ATP13A4: variants seen among roughly 807,000 people sequenced by gnomAD.
ATP13A4 encodes the protein ATPase 13A4.
Under a neutral mutation model 142.5 loss-of-function variants are expected in ATP13A4, and 114 were observed. That is an observed-to-expected ratio of 0.80 (90% CI 0.69 to 0.93). The LOEUF is 0.93. Among genes scored for constraint, ATP13A4 ranks in the 40% least tolerant of loss-of-function variants. ATP13A4 has a pLI of 0.00. For missense variants in ATP13A4, 1,392 were observed against 1,454.0 expected, an observed-to-expected ratio of 0.96 and a Z score of 0.69; for synonymous variants, 488 against 514.8, an observed-to-expected ratio of 0.95 and a Z score of 0.70.
intron 2 of ATP13A4, among the ~76,000 whole-genome samples, chr3:193,509,653 T>G (rs910210415): frequency 6.6e-6 from 1 of 152,218 alleles, no homozygotes; most frequent in East Asian, 1.9e-4. Flanking sequence ...TAAAAAGCAC[T>G]ACAGCGGTCA....
intron 25 of ATP13A4, among the ~76,000 whole-genome samples, chr3:193,429,655 G>C (rs1232245279): frequency 6.6e-6 from 1 of 151,958 alleles, no homozygotes; most frequent in Non-Finnish European, 1.5e-5. Context: ...TTAATGGATA[G>C]AGTATCTGTT....
At chr3:193,533,306 G>A (rs961017711) in intron 1 of ATP13A4, among the ~76,000 whole-genome samples, 2 of 152,030 alleles carry the variant, frequency 1.3e-5, no homozygotes. Flanking sequence ...CTCTCAATGA[G>A]TTCAACTGAA....
intron 18 of ATP13A4, among the ~76,000 whole-genome samples, chr3:193,443,764 G>A (rs928557894): frequency 3.9e-5 from 6 of 152,048 alleles, no homozygotes; most frequent in African/African-American, 1.2e-4. Context: ...GTGGAAAGAC[G>A]GAAGTTCTCA....
In ATP13A4 at chr3:193,467,472, C is replaced by T. The variant is rs1309521799; in HGVS notation, c.958G>A (p.Val320Ile). The change falls in exon 10 of 30, where the codon GTC becomes ATC. Residue 320 changes from valine (V) to isoleucine (I), a missense_variant. Physicochemically the swap from Val to Ile is conservative, Grantham distance 29. Coordinates refer to ENST00000342695, the MANE Select transcript of ATP13A4 (RefSeq NM_032279.4). ...EGMLTGESIPVTKTPLPKMDS... is the reference protein window; with the variant it reads ...EGMLTGESIPITKTPLPKMDS... ...ATCTTGGGTAACGGAGTTTTGGTGA[C>T]TGGAATACTTTCTCCTACAGAAAAC... The T allele has an allele frequency of 6.2e-7, 1 of 1,613,494 alleles. No individual in the cohort carries two copies. Among genetic ancestry groups the T allele is most frequent in the Admixed American group, 1.7e-5 (1 of 60,002 alleles).
chr3:193,507,987 T>C (rs1203031650), intron 2 of ATP13A4, among the ~76,000 whole-genome samples: 2 of 152,132 alleles, frequency 1.3e-5, no homozygotes, highest in African/African-American at 2.4e-5. Flanking sequence ...ATAAAGCCTT[T>C]AAGAAGGTAA....
At chr3:193,503,395 C>T (rs1198193245) in intron 2 of ATP13A4, among the ~76,000 whole-genome samples, 3 of 152,200 alleles carry the variant, frequency 2.0e-5, no homozygotes, top group African/African-American at 4.8e-5. Context: ...GATTGAGAAA[C>T]AGATACCACA....
chr3:193,407,750 T>C (rs1295077480), intron 28 of ATP13A4, among the ~76,000 whole-genome samples: 1 of 152,220 alleles, frequency 6.6e-6, no homozygotes. Flanking sequence ...CTTTGTTTGC[T>C]TGCTTTGTTT....
intron 1 of ATP13A4, among the ~76,000 whole-genome samples, chr3:193,591,389 A>C (rs149265075): frequency 6.6e-6 from 1 of 152,234 alleles, no homozygotes; most frequent in Non-Finnish European, 1.5e-5. Context: ...AAACCAAACA[A>C]AACAGGTCTG....
rs982270912 is a variant in ATP13A4, at chr3:193,424,680, G to A, written c.2842+9165C>T. On this transcript the variant is annotated intron_variant, in intron 25 of 29. Transcript: ENST00000342695. The stretch of plus-strand genomic sequence containing the variant: ...CAAATAAGAAAATTAACTCAAAGTG[G>A]ATTAAAAACTTAAATGTAAAACTCG... Among the ~76,000 whole-genome samples the A allele has an allele frequency of 7.4e-5, 11 of 149,484 alleles. 1 individual carries two copies. Among genetic ancestry groups the A allele is most frequent in the African/African-American group, 2.7e-4 (11 of 40,796 alleles).
chr3:193,523,955 T>C (rs1245440243), intron 1 of ATP13A4, among the ~76,000 whole-genome samples: 2 of 152,166 alleles, frequency 1.3e-5, no homozygotes, highest in African/African-American at 4.8e-5. Flanking sequence ...TTTCTCTTTC[T>C]TGCTTCCTCT....
chr3:193,573,308 C>CTTATATATATATATATGTGTATAT (rs1229145689), intron 2 of ATP13A4, among the ~76,000 whole-genome samples: 1 of 103,672 alleles, frequency 9.6e-6, no homozygotes. Context: ...TATATATATA[C>CTTATATATATATATATGTGTATAT]ATATATATAT....
chr3:193,429,747 C>T (rs1039846317), intron 25 of ATP13A4, among the ~76,000 whole-genome samples: 5 of 151,282 alleles, frequency 3.3e-5, no homozygotes, highest in African/African-American at 1.2e-4. Context: ...CTAAATTATA[C>T]ACAGAAAAAA....
rs772446185 is a variant in ATP13A4 at position 193,459,026 on chromosome 3, A to G, written c.1674+55T>C. Reference sequence around the variant, plus strand: ...GAATTAGATAGCTCTGATATTGCCTATGTTGCTCTGGCATTGAAGAAGCTT... The same window carrying G: ...GAATTAGATAGCTCTGATATTGCCTGTGTTGCTCTGGCATTGAAGAAGCTT... On this transcript the variant is annotated intron_variant, in intron 14 of 29. Transcript: ENST00000342695. 17 of 1,602,144 alleles carry G rather than the reference A, an allele frequency of 1.1e-5. No individual in the cohort carries two copies. In the Middle Eastern group the frequency reaches 5.0e-4, roughly 47 times the overall value.
intron 6 of ATP13A4, among the ~76,000 whole-genome samples, chr3:193,490,157 A>G (rs1719869622): frequency 6.6e-6 from 1 of 152,200 alleles, no homozygotes; most frequent in Non-Finnish European, 1.5e-5. Flanking sequence ...TCATGCGACT[A>G]TGATTGCCAC....
intron 3 of ATP13A4, among the ~76,000 whole-genome samples, chr3:193,500,783 C>G (rs1039073394): frequency 5.3e-5 from 8 of 152,158 alleles, no homozygotes; most frequent in Non-Finnish European, 1.2e-4. Context: ...TGGTTACCCT[C>G]TTGGTAATGC....
intron 2 of ATP13A4, chr3:193,578,976 GT>G: frequency 4.7e-6 from 1 of 213,512 alleles, no homozygotes; most frequent in Non-Finnish European, 9.9e-6. Context: ...CCAACAATTA[GT>G]TTTTTCACAC....
rs940393491 is a variant in ATP13A4, at chr3:193,474,772, A to G, written c.809-3779T>C. 5.9e-5 allele frequency among the ~76,000 whole-genome samples: 9 copies of G among 152,086 alleles called. 2 individuals carry two copies. Among genetic ancestry groups the G allele is most frequent in the African/African-American group, 2.2e-4 (9 of 41,424 alleles). ...AGGAAAAAGAAAGAAAGAGAAAGAAAGAAAGAAACAGAGAAAAGGAGTACA... is the reference window on the plus strand; with the variant it reads ...AGGAAAAAGAAAGAAAGAGAAAGAAGGAAAGAAACAGAGAAAAGGAGTACA... On this transcript the variant is annotated intron_variant, in intron 8 of 29. Transcript: ENST00000342695.
chr3:193,568,564 T>G (rs1020303000), intron 2 of ATP13A4, among the ~76,000 whole-genome samples: 1 of 152,198 alleles, frequency 6.6e-6, no homozygotes, highest in Non-Finnish European at 1.5e-5. Flanking sequence ...CTTTAAGGAC[T>G]GTTGAAAGAA....
chr3:193,576,553 G>A (rs1379511167), intron 2 of ATP13A4, among the ~76,000 whole-genome samples: 1 of 151,610 alleles, frequency 6.6e-6, no homozygotes, highest in Non-Finnish European at 1.5e-5. Context: ...TTACAGGCGT[G>A]AGCCACCGCG....
Sources: allele counts gnomAD v4.1 joint callset (sites outside exome capture counted in the v4.1 genomes callset), GRCh38; gene constraint gnomAD v4.1.1; transcripts MANE v1.5; gene names NCBI Gene and HGNC (gene_info 2026-07-23, HGNC 2026-07-21).